Variants in GAA observed in about 807,000 individuals in gnomAD.
The protein encoded by GAA is alpha glucosidase.
A neutral mutation model predicts 103.9 loss-of-function variants in GAA; 88 were observed. That is an observed-to-expected ratio of 0.85 (90% CI 0.71 to 1.01). GAA has a LOEUF of 1.01. Among genes scored for constraint, GAA ranks in the 50% least tolerant of loss-of-function variants. The pLI is 0.00. For synonymous variants in GAA, 572 were observed against 563.1 expected (o/e 1.02, Z -0.22); for missense variants, 1,350 against 1,305.3 (o/e 1.03, Z -0.53).
At position 80,111,969 on chromosome 17, in the gene GAA, C is replaced by T. The variant is rs1305526172; in HGVS notation, c.1637-14C>T. ...GGAGGAAGCTCCCTGGAAACCAGCC[C>T]CCGCCTCTTCCAGGGGTGGTTGGGG... On this transcript the variant is annotated splice_polypyrimidine_tract_variant and intron_variant, in intron 11 of 19. Coordinates refer to ENST00000302262, the MANE Select transcript of GAA (RefSeq NM_000152.5). 4 of 1,608,962 alleles carry T rather than the reference C, an allele frequency of 2.5e-6. No individual in the cohort carries two copies. Among genetic ancestry groups the T allele is most frequent in the Non-Finnish European group, 3.4e-6 (4 of 1,176,662 alleles).
chr17:80,117,865 G>T, intron 17 of GAA, 116 bp downstream of exon 17: 2 of 1,096,178 alleles, frequency 1.8e-6, no homozygotes, highest in Non-Finnish European at 2.5e-6. Flanking sequence ...GCCGCCCCCC[G>T]CAGTGTAGGT....
At chr17:80,110,660 T>C (rs572227225) in intron 9 of GAA, 67 bp from the exon 10 acceptor site, 7 of 1,382,496 alleles carry the variant, frequency 5.1e-6, no homozygotes, top group Non-Finnish European at 7.2e-6. Flanking sequence ...AGGCTGAGGC[T>C]CAGTGGGGCT....
In GAA at chr17:80,112,777, G is replaced by A. The variant is rs571749068; in HGVS notation, c.1888+66G>A. 2.3e-5 allele frequency: 36 copies of A among 1,576,522 alleles called. No homozygotes were observed. The South Asian group carries it at 3.2e-4, about 14-fold the overall frequency. On this transcript the variant is annotated intron_variant, in intron 13 of 19. Coordinates refer to ENST00000302262, the MANE Select transcript of GAA (RefSeq NM_000152.5). Reference sequence around the variant, plus strand: ...CGGGGGCCTCTATGGGAGGCTTGCCGGGGCCCCCCACCCACTTAGCAGGTG... The same window carrying A: ...CGGGGGCCTCTATGGGAGGCTTGCCAGGGCCCCCCACCCACTTAGCAGGTG...
Position 80,110,774 on chromosome 17 carries a change from C to T in GAA, c.1485C>T (p.Ala495=), listed in dbSNP as rs765596792. The change falls in exon 10 of 20, where the codon GCC becomes GCT. Residue 495 remains alanine (A), a synonymous_variant. Transcript: ENST00000302262. The part of the protein sequence containing the change: ...TAFPDFTNPT[A]LAWWEDMVAE... ...TCCCCGACTTCACCAACCCCACAGC[C>T]CTGGCCTGGTGGGAGGACATGGTGG... The T allele has an allele frequency of 1.2e-5, 20 of 1,614,156 alleles. No homozygotes were observed. In the East Asian group the frequency reaches 4.2e-4, roughly 34 times the overall value.
chr17:80,112,811 G>T, intron 13 of GAA, 65 bp from the exon 14 acceptor site: 1 of 1,581,750 alleles, frequency 6.3e-7, no homozygotes, highest in Middle Eastern at 1.7e-4. Flanking sequence ...TGGGGCTCTG[G>T]GTCACTTGGC....
At chr17:80,116,762 G>A (rs909700244) in intron 15 of GAA, 13 of 623,118 alleles carry the variant, frequency 2.1e-5, no homozygotes, top group Non-Finnish European at 2.9e-5. Flanking sequence ...CGGCATGTCC[G>A]GGGAGAAGGC....
intron 2 of GAA, among the ~76,000 whole-genome samples, 183 bp downstream of exon 2, chr17:80,105,315 A>G (rs1457327532): frequency 6.6e-6 from 1 of 152,206 alleles, no homozygotes; most frequent in Non-Finnish European, 1.5e-5. Context: ...CCACGGTGAC[A>G]GGTACTCCAG....
intron 5 of GAA, 114 bp from the exon 6 acceptor site, chr17:80,108,176 G>C: frequency 6.4e-7 from 1 of 1,573,512 alleles, no homozygotes; most frequent in Non-Finnish European, 8.7e-7. Flanking sequence ...GCCACTCTGA[G>C]CTCCTCGTGG....
At position 80,108,702 on chromosome 17, in the gene GAA, C is replaced by G. The variant is rs1431452557; in HGVS notation, c.1200C>G (p.Val400=). ...NMTRAHFPLD[V]QWNDLDYMDS... is the part of the protein sequence containing the mutation. ...GTCCCGTGTTGTGGCTGCAGGACGTCCAGTGGAACGACCTGGACTACATGG... is the reference window on the plus strand; with the variant it reads ...GTCCCGTGTTGTGGCTGCAGGACGTGCAGTGGAACGACCTGGACTACATGG... Residue 400 remains valine (V), a synonymous_variant, in exon 8 of 20, where the codon GTC becomes GTG. Transcript: ENST00000302262. 6.2e-7 allele frequency: 1 copy of G among 1,612,620 alleles called. No individual in the cohort carries two copies. The highest frequency in any genetic ancestry group is 1.3e-5 in the African/African-American group (1 of 74,920).
Position 80,110,739 on chromosome 17 carries a change from T to C in GAA, c.1450T>C (p.Ser484Pro). The C allele has an allele frequency of 3.7e-6, 6 of 1,613,754 alleles. No individual in the cohort carries two copies. Among genetic ancestry groups the C allele is most frequent in the Non-Finnish European group, 5.1e-6 (6 of 1,179,948 alleles). Residue 484 changes from serine (S) to proline (P), a missense_variant, in exon 10 of 20, where the codon TCC (serine) becomes CCC (proline). Coordinates refer to ENST00000302262, the MANE Select transcript of GAA (RefSeq NM_000152.5). ...QPLIGKVWPG[S>P]TAFPDFTNPT... is the part of the protein sequence containing the mutation. ...TCTCGTTGTCCAGGTATGGCCCGGG[T>C]CCACTGCCTTCCCCGACTTCACCAA...
intron 13 of GAA, 35 bp from the exon 14 acceptor site, chr17:80,112,841 G>A: frequency 1.3e-6 from 2 of 1,597,188 alleles, no homozygotes; most frequent in Non-Finnish European, 1.7e-6. Context: ...CTCTGCTGCA[G>A]CAGCCTGAGG....
rs772006614 is a variant in GAA, at chr17:80,116,957, C to T, written c.2190-11C>T. 3.1e-6 allele frequency: 5 copies of T among 1,613,516 alleles called. No homozygotes were observed. Among genetic ancestry groups the T allele is most frequent in the Non-Finnish European group, 4.2e-6 (5 of 1,179,990 alleles). On this transcript the variant is annotated splice_polypyrimidine_tract_variant and intron_variant, in intron 15 of 19. Transcript: ENST00000302262. ...ATCACCCGTATGCCTGTGTGCCCATCCCCCTTGCAGGTTCCCCAAGGACTC... is the reference window on the plus strand; with the variant it reads ...ATCACCCGTATGCCTGTGTGCCCATTCCCCTTGCAGGTTCCCCAAGGACTC...
In GAA at chr17:80,119,333, CG is replaced by C. The variant is rs1567841591; in HGVS notation, c.*5del. 2 of 1,613,416 alleles carry C rather than the reference CG, an allele frequency of 1.2e-6. No homozygotes were observed. ...CAGTTTCTCGTCAGCTGGTGTTAGCCGGGCGGAGTGTGTTAGTCTCTCCAGA... is the reference window on the plus strand; with the variant it reads ...CAGTTTCTCGTCAGCTGGTGTTAGCCGGCGGAGTGTGTTAGTCTCTCCAGA... On this transcript the variant is annotated 3_prime_UTR_variant, in exon 20 of 20. Coordinates refer to ENST00000302262, the MANE Select transcript of GAA (RefSeq NM_000152.5).
At chr17:80,112,457 C>T (rs2039258942) in intron 12 of GAA, 121 bp from the exon 13 acceptor site, 1 of 1,290,040 alleles carries the variant, frequency 7.8e-7, no homozygotes, top group Non-Finnish European at 1.1e-6. Context: ...CCTCGCCGTC[C>T]TCCTCCCCAG....
chr17:80,118,424 C>G (rs1247597484), intron 18 of GAA, 67 bp downstream of exon 18: 5 of 1,552,118 alleles, frequency 3.2e-6, no homozygotes. Context: ...GGTGAGGGGA[C>G]CTGGGCTTGG....
Position 80,119,293 on chromosome 17 carries a change from C to A in GAA, c.2821C>A (p.Leu941Met). Reference protein sequence around the residue: ...DTKVLDICVSLLMGEQFLVSW... With the variant: ...DTKVLDICVSMLMGEQFLVSW... ...CCAGGTCCTGGACATCTGTGTCTCG[C>A]TGTTGATGGGAGAGCAGTTTCTCGT... The change falls in exon 20 of 20, where the codon CTG (leucine) becomes ATG (methionine). Residue 941 changes from leucine (L) to methionine (M), a missense_variant. Leu to Met is a conservative substitution (Grantham distance 15). Coordinates refer to ENST00000302262, the MANE Select transcript of GAA (RefSeq NM_000152.5). The A allele has an allele frequency of 6.2e-7, 1 of 1,614,056 alleles. No individual in the cohort carries two copies. Among genetic ancestry groups the A allele is most frequent in the African/African-American group, 1.3e-5 (1 of 75,024 alleles).
chr17:80,110,676 G>C (rs2039210522), intron 9 of GAA, 51 bp from the exon 10 acceptor site: 1 of 1,519,072 alleles, frequency 6.6e-7, no homozygotes, highest in African/African-American at 1.4e-5. Context: ...GGGCTTCCAT[G>C]CAGGCCCTGG....
Position 80,107,863 on chromosome 17 carries a change from C to T in GAA, c.922C>T (p.His308Tyr), listed in dbSNP as rs112025212. The T allele has an allele frequency of 3.1e-5, 50 of 1,611,710 alleles. No individual in the cohort carries two copies. The African/African-American group carries it at 5.6e-4, about 18-fold the overall frequency. The change falls in exon 5 of 20, where the codon CAC becomes TAC. Residue 308 changes from histidine (H) to tyrosine (Y), a missense_variant. By Grantham distance (83) the His-to-Tyr change is moderately conservative (BLOSUM62 2). Transcript: ENST00000302262. ...GGCGCTGGAGGACGGCGGGTCGGCA[C>T]ACGGGGTGTTCCTGCTAAACAGCAA... is the stretch of plus-strand genomic sequence containing the variant. The part of the protein sequence containing the change: ...YLALEDGGSA[H>Y]GVFLLNSNAM...
Position 80,113,258 on chromosome 17 carries a change from C to T in GAA, c.2081C>T (p.Ala694Val). 6.2e-7 allele frequency: 1 copy of T among 1,602,016 alleles called. No homozygotes were observed. Among genetic ancestry groups the T allele is most frequent in the Non-Finnish European group, 8.5e-7 (1 of 1,174,932 alleles). The change falls in exon 15 of 20, where the codon GCC (alanine) becomes GTC (valine). Residue 694 changes from alanine to valine, a missense_variant. Ala to Val is a moderately conservative substitution (Grantham distance 64). Coordinates refer to ENST00000302262, the MANE Select transcript of GAA (RefSeq NM_000152.5). ...PYSFSEPAQQ[A>V]MRKALTLRYA... ...AGCTTCAGCGAGCCGGCCCAGCAGG[C>T]CATGAGGAAGGCCCTCACCCTGCGC...
Sources: gnomAD v4.1 joint callset for allele counts (sites outside exome capture counted in the v4.1 genomes callset) on GRCh38, gnomAD v4.1.1 for gene constraint, MANE v1.5 for transcripts, NCBI Gene and HGNC (gene_info 2026-07-23, HGNC 2026-07-21) for gene names.